Variants in KCNN2 observed in about 807,000 individuals in gnomAD.
KCNN2 encodes small conductance calcium-activated potassium channel protein 2.
Under a neutral mutation model 55.5 loss-of-function variants are expected in KCNN2, and 24 were observed. The ratio of observed to expected loss-of-function variants is 0.43; its 90% CI spans 0.31 to 0.61. The LOEUF (loss-of-function observed/expected upper bound fraction) is 0.61. Ranked by LOEUF, KCNN2 falls within the 20% of genes least tolerant of loss-of-function variation. The pLI, the probability that KCNN2 is intolerant of heterozygous loss-of-function variation, is 0.08. For synonymous variants in KCNN2, 431 were observed against 336.1 expected, an observed-to-expected ratio of 1.28 and a Z score of -3.09; for missense variants, 754 against 853.6, an observed-to-expected ratio of 0.88 and a Z score of 1.45.
At chr5:114,403,835 C>T in intron 2 of KCNN2, among the ~76,000 whole-genome samples, 1 of 151,846 alleles carries the variant, frequency 6.6e-6, no homozygotes, top group East Asian at 1.9e-4. Flanking sequence ...ATGAATAATC[C>T]AAGGGAAGGC....
chr5:114,149,941 C>A (rs927723619), intron 1 of KCNN2, among the ~76,000 whole-genome samples: 13 of 152,102 alleles, frequency 8.5e-5, no homozygotes, highest in Non-Finnish European at 1.8e-4. Flanking sequence ...TGAACAGGTG[C>A]CCCTCATGCG....
At chr5:114,092,837 C>T (rs578218956) in intron 1 of KCNN2, among the ~76,000 whole-genome samples, 14 of 152,262 alleles carry the variant, frequency 9.2e-5, no homozygotes, top group South Asian at 6.2e-4. Context: ...ATCTCGAGAC[C>T]GCACAAAGCA....
intron 7 of KCNN2, among the ~76,000 whole-genome samples, chr5:114,494,712 C>T (rs367667430): frequency 1.7e-4 from 26 of 151,948 alleles, no homozygotes; most frequent in South Asian, 1.7e-3. Flanking sequence ...ATTATGACCA[C>T]GGGACTGTAC....
chr5:114,169,676 G>C (rs1752991600), intron 1 of KCNN2, among the ~76,000 whole-genome samples: 1 of 152,078 alleles, frequency 6.6e-6, no homozygotes, highest in African/African-American at 2.4e-5. Context: ...TGACAGGTCA[G>C]TTTCATGTGC....
chr5:114,426,585 T>C (rs1759632637), intron 3 of KCNN2, among the ~76,000 whole-genome samples: 1 of 152,204 alleles, frequency 6.6e-6, no homozygotes, highest in African/African-American at 2.4e-5. Context: ...AAACATAAGG[T>C]AGAATTCATT....
intron 2 of KCNN2, among the ~76,000 whole-genome samples, chr5:114,389,302 A>G (rs1023468588): frequency 1.4e-4 from 22 of 152,234 alleles, no homozygotes; most frequent in Middle Eastern, 6.8e-3. Context: ...TGTCATTGGC[A>G]TTGTCTCTGT....
chr5:114,307,509 T>A (rs1756308345), intron 2 of KCNN2, among the ~76,000 whole-genome samples: 1 of 152,152 alleles, frequency 6.6e-6, no homozygotes, highest in South Asian at 2.1e-4. Context: ...CATTCTAGAA[T>A]CATAGCCTCA....
intron 2 of KCNN2, among the ~76,000 whole-genome samples, chr5:114,223,273 A>G (rs1485953847): frequency 6.6e-6 from 1 of 152,174 alleles, no homozygotes; most frequent in African/African-American, 2.4e-5. Flanking sequence ...ATGATTTCCA[A>G]AGACATACAG....
intron 3 of KCNN2, among the ~76,000 whole-genome samples, chr5:114,448,412 CTG>C (rs113603643): frequency 0.01 from 1,535 of 152,228 alleles, 21 homozygotes; most frequent in African/African-American, 0.035. Flanking sequence ...GAACCTAGAC[CTG>C]TGTTTTAATT....
intron 1 of KCNN2, among the ~76,000 whole-genome samples, chr5:114,175,647 G>A (rs914156312): frequency 6.6e-6 from 1 of 151,996 alleles, no homozygotes; most frequent in Non-Finnish European, 1.5e-5. Context: ...TAAAGTATAG[G>A]CACACTCAAG....
At chr5:114,343,900 G>A (rs947430591) in intron 2 of KCNN2, among the ~76,000 whole-genome samples, 1 of 152,156 alleles carries the variant, frequency 6.6e-6, no homozygotes, top group Non-Finnish European at 1.5e-5. Flanking sequence ...TCCTATTTAT[G>A]TGGTCCTAGG....
rs568161140 is a variant in KCNN2, at chr5:114,432,626, T to C, written c.1637+27770T>C. Among the ~76,000 whole-genome samples, 38 of 152,272 alleles carry C rather than the reference T, an allele frequency of 2.5e-4. No homozygotes were observed. In the South Asian group the frequency reaches 6.0e-3, roughly 24 times the overall value. ...CCCACCGCTGCACTGTGGGAGCCCCTTTCTGGGCTGGCCAAGGCCAGAGCC... is the reference window on the plus strand; with the variant it reads ...CCCACCGCTGCACTGTGGGAGCCCCCTTCTGGGCTGGCCAAGGCCAGAGCC... On this transcript the variant is annotated intron_variant, in intron 3 of 7. Transcript: ENST00000673685.
intron 1 of KCNN2, among the ~76,000 whole-genome samples, chr5:114,143,580 A>G (rs941468980): frequency 6.6e-6 from 1 of 152,146 alleles, no homozygotes; most frequent in African/African-American, 2.4e-5. Flanking sequence ...CAAGGGTCGC[A>G]TTCCATACCC....
At chr5:114,135,258 C>A (rs1296789968) in intron 1 of KCNN2, among the ~76,000 whole-genome samples, 2 of 152,102 alleles carry the variant, frequency 1.3e-5, no homozygotes, top group African/African-American at 4.8e-5. Flanking sequence ...GAATTGGACG[C>A]AAGGCTCTTA....
At chr5:114,247,343 G>A (rs1754768394) in intron 2 of KCNN2, among the ~76,000 whole-genome samples, 1 of 151,888 alleles carries the variant, frequency 6.6e-6, no homozygotes. Flanking sequence ...ATGATTCTTG[G>A]TCACTGTCTG....
intron 4 of KCNN2, among the ~76,000 whole-genome samples, chr5:114,472,332 C>T (rs191833224): frequency 2.6e-5 from 4 of 152,168 alleles, no homozygotes; most frequent in African/African-American, 9.6e-5. Context: ...CACAGAGTCT[C>T]TTTTTCAAGA....
At chr5:114,443,763 T>G (rs1359567165) in intron 3 of KCNN2, among the ~76,000 whole-genome samples, 1 of 152,186 alleles carries the variant, frequency 6.6e-6, no homozygotes, top group Non-Finnish European at 1.5e-5. Context: ...TATTGAAATC[T>G]ATATTGTAGT....
intron 2 of KCNN2, among the ~76,000 whole-genome samples, chr5:114,249,621 C>T (rs952946637): frequency 2.0e-5 from 3 of 150,762 alleles, no homozygotes; most frequent in Non-Finnish European, 4.4e-5. Flanking sequence ...TTTTCTCTGA[C>T]AATATTATGA....
chr5:114,281,730 A>G (rs576249499), intron 2 of KCNN2, among the ~76,000 whole-genome samples: 2 of 119,358 alleles, frequency 1.7e-5, no homozygotes, highest in East Asian at 4.6e-4. Flanking sequence ...AATAATTTTT[A>G]AGCATATACT....
Sources: allele counts gnomAD v4.1 joint callset (sites outside exome capture counted in the v4.1 genomes callset), GRCh38; gene constraint gnomAD v4.1.1; transcripts MANE v1.5; gene names NCBI Gene and HGNC (gene_info 2026-07-23, HGNC 2026-07-21).